STAG1: variants seen among roughly 807,000 people sequenced by gnomAD.
STAG1 encodes cohesin subunit SA-1.
A neutral mutation model predicts 170.9 loss-of-function variants in STAG1; 26 were observed. The ratio of observed to expected loss-of-function variants is 0.15; its 90% CI spans 0.11 to 0.21. The LOEUF is 0.21. Among genes scored for constraint, STAG1 ranks in the 10% least tolerant of loss-of-function variants. STAG1 has a pLI of 1.00. For synonymous variants in STAG1, 514 were observed against 497.7 expected (o/e 1.03, Z -0.44); for missense variants, 964 against 1,509.5 (o/e 0.64, Z 5.99).
intron 21 of STAG1, among the ~76,000 whole-genome samples, chr3:136,402,352 G>C (rs948237390): frequency 5.9e-5 from 9 of 151,706 alleles, no homozygotes; most frequent in African/African-American, 2.2e-4. Flanking sequence ...TGAGTAGCTG[G>C]GACTACAGGT....
At chr3:136,427,958 A>T (rs1196219248) in intron 16 of STAG1, among the ~76,000 whole-genome samples, 1 of 152,190 alleles carries the variant, frequency 6.6e-6, no homozygotes, top group Non-Finnish European at 1.5e-5. Context: ...AGAGAAGAGG[A>T]AAAACTGTTT....
chr3:136,445,250 G>A (rs188043423), intron 14 of STAG1, among the ~76,000 whole-genome samples: 75 of 152,092 alleles, frequency 4.9e-4, no homozygotes, highest in Non-Finnish European at 3.2e-4. Context: ...AAGGTTTGAG[G>A]GAGATATCTT....
intron 6 of STAG1, among the ~76,000 whole-genome samples, 197 bp from the exon 7 acceptor site, chr3:136,521,614 T>G (rs1934678304): frequency 6.6e-6 from 1 of 152,196 alleles, no homozygotes; most frequent in South Asian, 2.1e-4. Flanking sequence ...CTTAAAATAC[T>G]CAAAATTACT....
At chr3:136,635,806 C>CA in intron 1 of STAG1, among the ~76,000 whole-genome samples, 2 of 152,316 alleles carry the variant, frequency 1.3e-5, no homozygotes, top group East Asian at 3.9e-4. Context: ...ATATAAAAGT[C>CA]AATCACTTTG....
chr3:136,487,766 G>A (rs1014461693), intron 9 of STAG1, among the ~76,000 whole-genome samples: 2 of 152,196 alleles, frequency 1.3e-5, no homozygotes, highest in Non-Finnish European at 2.9e-5. Context: ...TTTCTTGAAT[G>A]TGGGTATACT....
At chr3:136,716,759 T>C (rs1406040849) in intron 1 of STAG1, among the ~76,000 whole-genome samples, 1 of 152,232 alleles carries the variant, frequency 6.6e-6, no homozygotes, top group East Asian at 1.9e-4. Context: ...AACAACTGCA[T>C]TCCCTCCCTG....
At chr3:136,621,587 A>T (rs1348056070) in intron 3 of STAG1, among the ~76,000 whole-genome samples, 2 of 152,242 alleles carry the variant, frequency 1.3e-5, no homozygotes, top group African/African-American at 4.8e-5. Context: ...ACAAAAAGTT[A>T]CTATACTGCA....
Position 136,573,387 on chromosome 3 carries a change from T to C in STAG1, c.298-4526A>G, listed in dbSNP as rs1484558561. 2.0e-5 allele frequency among the ~76,000 whole-genome samples: 3 copies of C among 151,970 alleles called. No homozygotes were observed. The South Asian group carries it at 6.2e-4, about 32-fold the overall frequency. Reference sequence around the variant, plus strand: ...AAATCACATATGGCATATAATCAAATTGTGCTGAAAATTTTCAAAAAGAAA... The same window carrying C: ...AAATCACATATGGCATATAATCAAACTGTGCTGAAAATTTTCAAAAAGAAA... On this transcript the variant is annotated intron_variant, in intron 4 of 33. Coordinates refer to ENST00000383202, the MANE Select transcript of STAG1 (RefSeq NM_005862.3).
In STAG1 at chr3:136,644,949, C is replaced by T. The variant is rs139507331; in HGVS notation, c.-83-13968G>A. The stretch of plus-strand genomic sequence containing the variant: ...TTCGCCATATTGCCCAGGCTGGTGT[C>T]GAACTGCTGAATTCAAGCAATCCTC... On this transcript the variant is annotated intron_variant, in intron 1 of 33. Transcript: ENST00000383202. Among the ~76,000 whole-genome samples, 956 of 152,048 alleles carry T rather than the reference C, an allele frequency of 6.3e-3. 8 individuals carry two copies. Among genetic ancestry groups the T allele is most frequent in the African/African-American group, 0.021 (883 of 41,452 alleles).
intron 22 of STAG1, among the ~76,000 whole-genome samples, chr3:136,392,610 C>A (rs1230504795): frequency 2.0e-5 from 3 of 151,736 alleles, no homozygotes; most frequent in Non-Finnish European, 4.4e-5. Context: ...GCTAAAAATA[C>A]AAAAAGTCAG....
intron 23 of STAG1, 98 bp from the exon 24 acceptor site, chr3:136,369,380 C>T: frequency 2.3e-6 from 2 of 870,172 alleles, no homozygotes; most frequent in African/African-American, 3.6e-5. Flanking sequence ...AGTTTAATAG[C>T]AGTACCATAA....
At chr3:136,630,120 G>C (rs1444950008) in intron 2 of STAG1, among the ~76,000 whole-genome samples, 4 of 152,012 alleles carry the variant, frequency 2.6e-5, no homozygotes, top group Non-Finnish European at 4.4e-5. Context: ...GCTTGAACCC[G>C]GAAGGCAGAG....
At chr3:136,459,190 C>T (rs2089203719) in intron 13 of STAG1, among the ~76,000 whole-genome samples, 1 of 149,366 alleles carries the variant, frequency 6.7e-6, no homozygotes, top group Admixed American at 6.7e-5. Context: ...TGCACTCCAG[C>T]CTGGCGACAG....
chr3:136,469,024 A>G (rs1292473956), intron 12 of STAG1, among the ~76,000 whole-genome samples: 1 of 152,210 alleles, frequency 6.6e-6, no homozygotes, highest in South Asian at 2.1e-4. Context: ...ACCCACACCC[A>G]ATATCATACT....
chr3:136,339,756 G>GA (rs912150943), intron 32 of STAG1, among the ~76,000 whole-genome samples: 4 of 151,786 alleles, frequency 2.6e-5, no homozygotes, highest in African/African-American at 7.3e-5. Flanking sequence ...GAGAACTTTT[G>GA]AAAAAAACAT....
At chr3:136,411,094 C>T (rs529311379) in intron 21 of STAG1, among the ~76,000 whole-genome samples, 1 of 152,214 alleles carries the variant, frequency 6.6e-6, no homozygotes, top group African/African-American at 2.4e-5. Context: ...AGTTTTCTAT[C>T]CTGATGACTT....
chr3:136,414,166 T>C (rs1393900404), intron 21 of STAG1, among the ~76,000 whole-genome samples: 1 of 151,998 alleles, frequency 6.6e-6, no homozygotes, highest in African/African-American at 2.4e-5. Flanking sequence ...TTTCTCAAGA[T>C]GACAGTGAAG....
At chr3:136,647,136 AAAAT>A (rs934327921) in intron 1 of STAG1, among the ~76,000 whole-genome samples, 1 of 152,212 alleles carries the variant, frequency 6.6e-6, no homozygotes, top group African/African-American at 2.4e-5. Context: ...TATTTTTTTA[AAAAT>A]AAATACCATG....
chr3:136,586,257 TACACAC>T (rs375352308), intron 4 of STAG1, among the ~76,000 whole-genome samples: 3 of 150,496 alleles, frequency 2.0e-5, no homozygotes, highest in Non-Finnish European at 4.4e-5. Context: ...CATATACATA[TACACAC>T]ACACACACAC....
Sources: allele counts gnomAD v4.1 joint callset (sites outside exome capture counted in the v4.1 genomes callset), GRCh38; gene constraint gnomAD v4.1.1; transcripts MANE v1.5; gene names NCBI Gene and HGNC (gene_info 2026-07-23, HGNC 2026-07-21).